Variants in TRIO observed in about 807,000 individuals in gnomAD.
TRIO encodes triple functional domain protein.
Under a neutral mutation model 351.9 loss-of-function variants are expected in TRIO, and 58 were observed. That is an observed-to-expected ratio of 0.16 (90% CI 0.13 to 0.21). TRIO has a LOEUF of 0.21. Ranked by LOEUF, TRIO falls within the 10% of genes least tolerant of loss-of-function variation. The pLI, the probability that TRIO is intolerant of heterozygous loss-of-function variation, is 1.00. For synonymous variants in TRIO, 1,758 were observed against 1,595.7 expected (o/e 1.10, Z -2.42); for missense variants, 3,201 against 4,027.8 (o/e 0.79, Z 5.56).
At position 14,387,723 on chromosome 5, in the gene TRIO, A is replaced by T. The variant is rs780639409; in HGVS notation, c.3766-9A>T. 6.2e-7 allele frequency: 1 copy of T among 1,613,644 alleles called. No individual in the cohort carries two copies. The stretch of plus-strand genomic sequence containing the variant: ...ATTAACTGAGTTCATTGGCTCTGTT[A>T]TTCCACAGAGTAAAAGTCTCCAGCT... On this transcript the variant is annotated splice_polypyrimidine_tract_variant and intron_variant, in intron 22 of 56. Transcript: ENST00000344204.
At chr5:14,412,502 G>A (rs1012821965) in intron 33 of TRIO, among the ~76,000 whole-genome samples, 1 of 152,184 alleles carries the variant, frequency 6.6e-6, no homozygotes, top group Non-Finnish European at 1.5e-5. Flanking sequence ...GCCTCCCGAG[G>A]TTGTCCTGCA....
At chr5:14,207,411 C>T (rs1266386518) in intron 1 of TRIO, among the ~76,000 whole-genome samples, 4 of 125,022 alleles carry the variant, frequency 3.2e-5, no homozygotes, top group Admixed American at 2.3e-4. Context: ...CACACACACA[C>T]ACACACACAC....
At chr5:14,339,277 G>A (rs1387251926) in intron 11 of TRIO, among the ~76,000 whole-genome samples, 1 of 152,152 alleles carries the variant, frequency 6.6e-6, no homozygotes, top group African/African-American at 2.4e-5. Flanking sequence ...CTTCGTTTGG[G>A]CTCATTGGCT....
intron 1 of TRIO, among the ~76,000 whole-genome samples, chr5:14,173,714 T>A (rs1789243228): frequency 6.6e-6 from 1 of 152,214 alleles, no homozygotes; most frequent in African/African-American, 2.4e-5. Context: ...TAGGACAGAT[T>A]AAGAGACTGA....
chr5:14,193,645 G>A (rs1790579515), intron 1 of TRIO, among the ~76,000 whole-genome samples: 1 of 152,220 alleles, frequency 6.6e-6, no homozygotes, highest in Non-Finnish European at 1.5e-5. Context: ...AGGCAGCCAT[G>A]TGGTTGGCAA....
chr5:14,475,210 G>A (rs138408093), intron 40 of TRIO, among the ~76,000 whole-genome samples: 1 of 152,092 alleles, frequency 6.6e-6, no homozygotes, highest in African/African-American at 2.4e-5. Context: ...TGGTCTTCCA[G>A]TGGAATGTTC....
intron 1 of TRIO, among the ~76,000 whole-genome samples, chr5:14,149,014 C>T (rs1450863029): frequency 6.6e-6 from 1 of 152,184 alleles, no homozygotes; most frequent in Admixed American, 6.5e-5. Flanking sequence ...TCCCAGTGAC[C>T]CTTGCACTTG....
Position 14,497,837 on chromosome 5 carries a change from T to G in TRIO, c.8020-10T>G, listed in dbSNP as rs371034045. On this transcript the variant is annotated splice_polypyrimidine_tract_variant and intron_variant, in intron 50 of 56. Transcript: ENST00000344204. This position sits in a 1 kb window ranked among gnomAD's most constrained non-coding sequence, Gnocchi z 4.4. ...TTTCAGTTAATGCTTGTTTGCTGTT[T>G]CCATTTCAGCTTCTCAATCCCAACT... The G allele has an allele frequency of 1.2e-6, 2 of 1,614,094 alleles. No individual in the cohort carries two copies. The highest frequency in any genetic ancestry group is 1.7e-6 in the Non-Finnish European group (2 of 1,180,040).
At chr5:14,319,261 T>C (rs1385993497) in intron 9 of TRIO, among the ~76,000 whole-genome samples, 1 of 152,222 alleles carries the variant, frequency 6.6e-6, no homozygotes, top group Non-Finnish European at 1.5e-5. Context: ...TAAATATTTT[T>C]GTTGATGAAT....
At chr5:14,423,336 G>A (rs954086929) in intron 34 of TRIO, among the ~76,000 whole-genome samples, 14 of 152,206 alleles carry the variant, frequency 9.2e-5, no homozygotes, top group African/African-American at 2.7e-4. Flanking sequence ...TGTGTAGTAC[G>A]TGGGCTCACT....
At chr5:14,187,256 C>A (rs1038382646) in intron 1 of TRIO, among the ~76,000 whole-genome samples, 3 of 152,196 alleles carry the variant, frequency 2.0e-5, no homozygotes, top group Non-Finnish European at 4.4e-5. Context: ...ATAGCATTAA[C>A]AAGGACTACA....
chr5:14,487,814 G>C lies in TRIO; in HGVS notation c.7186G>C (p.Gly2396Arg). The C allele has an allele frequency of 6.8e-7, 1 of 1,460,012 alleles. No individual in the cohort carries two copies. The highest frequency in any genetic ancestry group is 9.0e-7 in the Non-Finnish European group (1 of 1,105,128). 90.4% of individuals were successfully genotyped at this position (1,460,012 alleles called of 1,614,324 possible). ...CAGCGCGCCCAGCAGGCGGCCCCCC[G>C]GCGCGGACGCCGAGGGGTCCGAGCG... ...GPSAPSRRPP[G>R]ADAEGSEREA... The change falls in exon 48 of 57, where the codon GGC becomes CGC. Residue 2396 changes from glycine (G) to arginine (R), a missense_variant. By Grantham distance (125) the Gly-to-Arg change is moderately radical. Transcript: ENST00000344204.
intron 1 of TRIO, among the ~76,000 whole-genome samples, chr5:14,188,470 A>G (rs757446191): frequency 6.6e-6 from 1 of 152,246 alleles, no homozygotes; most frequent in Non-Finnish European, 1.5e-5. Context: ...TAACTAAATC[A>G]TATAGTAGAC....
intron 34 of TRIO, among the ~76,000 whole-genome samples, chr5:14,452,094 T>TCAA (rs1752886507): frequency 1.3e-5 from 2 of 152,200 alleles, no homozygotes; most frequent in South Asian, 4.1e-4. Context: ...TGTGTGCATG[T>TCAA]TTGGCTGACG....
chr5:14,360,938 T>A (rs1489703198), intron 13 of TRIO, among the ~76,000 whole-genome samples: 2 of 152,218 alleles, frequency 1.3e-5, no homozygotes, highest in African/African-American at 4.8e-5. Flanking sequence ...TAGATCCACA[T>A]GGAGCCATGT....
At chr5:14,478,213 G>T (rs542963114) in intron 41 of TRIO, among the ~76,000 whole-genome samples, 3 of 152,144 alleles carry the variant, frequency 2.0e-5, no homozygotes, top group African/African-American at 7.2e-5. Context: ...TGTTAAAAAC[G>T]TGTATACTCC....
intron 8 of TRIO, among the ~76,000 whole-genome samples, chr5:14,305,783 C>T (rs1738311504): frequency 6.6e-6 from 1 of 152,314 alleles, no homozygotes; most frequent in Middle Eastern, 3.4e-3. Flanking sequence ...TGATTTGCTG[C>T]TACAGTTTTG....
intron 1 of TRIO, among the ~76,000 whole-genome samples, chr5:14,244,793 G>C (rs1343270973): frequency 6.6e-6 from 1 of 152,198 alleles, no homozygotes; most frequent in Non-Finnish European, 1.5e-5. Flanking sequence ...GTGTATTCAG[G>C]TGGCATCTGT....
At chr5:14,434,650 A>G (rs1016622924) in intron 34 of TRIO, among the ~76,000 whole-genome samples, 2 of 152,202 alleles carry the variant, frequency 1.3e-5, no homozygotes, top group Non-Finnish European at 2.9e-5. Context: ...AGTGCTCTTA[A>G]CTAAGCCCTG....
Sources: allele counts gnomAD v4.1 joint callset (sites outside exome capture counted in the v4.1 genomes callset), GRCh38; gene constraint gnomAD v4.1.1; non-coding constraint Gnocchi (gnomAD v3.1); transcripts MANE v1.5; gene names NCBI Gene and HGNC (gene_info 2026-07-23, HGNC 2026-07-21).